GPC6: variants seen among roughly 807,000 people sequenced by gnomAD.
The protein encoded by GPC6 is glypican-6.
A neutral mutation model predicts 55.2 loss-of-function variants in GPC6; 14 were observed. The ratio of observed to expected loss-of-function variants is 0.25; its 90% CI spans 0.17 to 0.40. GPC6 has a LOEUF of 0.40. Ranked by LOEUF, GPC6 falls within the 10% of genes least tolerant of loss-of-function variation. The probability of loss-of-function intolerance (pLI) is 1.00; values close to 1 mark genes in which losing one functional copy is unlikely to be tolerated. For missense variants in GPC6, 641 were observed against 708.5 expected (o/e 0.90, Z 1.08); for synonymous variants, 278 against 259.6 (o/e 1.07, Z -0.68).
intron 2 of GPC6, among the ~76,000 whole-genome samples, chr13:93,768,947 A>T (rs1885207254): frequency 6.6e-6 from 1 of 152,136 alleles, no homozygotes; most frequent in Non-Finnish European, 1.5e-5. Context: ...CTACTTAACA[A>T]AAGTGGGATT....
intron 4 of GPC6, among the ~76,000 whole-genome samples, chr13:94,124,081 A>G (rs11839525): frequency 0.016 from 2,481 of 152,222 alleles, 61 homozygotes; most frequent in African/African-American, 0.056. Context: ...AGAAGAGTCT[A>G]CTACCTTTAA....
chr13:93,954,485 T>A (rs1879406018), intron 3 of GPC6, among the ~76,000 whole-genome samples: 1 of 152,144 alleles, frequency 6.6e-6, no homozygotes, highest in Non-Finnish European at 1.5e-5. Context: ...ACTAGCTATT[T>A]TTTGTAGAGA....
At chr13:93,510,961 A>ATATATATGTGTATATATATATGTG (rs1555306596) in intron 1 of GPC6, among the ~76,000 whole-genome samples, 2 of 96,636 alleles carry the variant, frequency 2.1e-5, no homozygotes, top group East Asian at 6.4e-4. Context: ...ATATATATAT[A>ATATATATGTGTATATATATATGTG]TATATATATG....
intron 3 of GPC6, among the ~76,000 whole-genome samples, chr13:94,003,786 A>G (rs1881906628): frequency 6.6e-6 from 1 of 152,070 alleles, no homozygotes; most frequent in Non-Finnish European, 1.5e-5. Context: ...AATTATAATT[A>G]CCCCTCAATG....
intron 2 of GPC6, among the ~76,000 whole-genome samples, chr13:93,632,634 T>TAG (rs1348602817): frequency 3.4e-5 from 5 of 147,122 alleles, no homozygotes; most frequent in African/African-American, 1.2e-4. Flanking sequence ...TATATATATA[T>TAG]ATAATAAAAT....
chr13:94,076,102 T>A (rs1466215108), intron 4 of GPC6, among the ~76,000 whole-genome samples: 1 of 151,682 alleles, frequency 6.6e-6, no homozygotes, highest in Non-Finnish European at 1.5e-5. Context: ...TTCCAGTTTC[T>A]CCACATCCTA....
At chr13:93,783,975 A>C (rs1275011000) in intron 2 of GPC6, among the ~76,000 whole-genome samples, 1 of 152,212 alleles carries the variant, frequency 6.6e-6, no homozygotes, top group African/African-American at 2.4e-5. Flanking sequence ...ACGTCATGTA[A>C]TATGTAGTTA....
intron 4 of GPC6, among the ~76,000 whole-genome samples, chr13:94,084,327 C>A (rs558286737): frequency 6.6e-6 from 1 of 152,234 alleles, no homozygotes; most frequent in East Asian, 1.9e-4. Flanking sequence ...ATGTGCTTCT[C>A]CCTTCTACAC....
intron 1 of GPC6, among the ~76,000 whole-genome samples, chr13:93,498,420 C>T (rs1880390823): frequency 2.0e-5 from 3 of 152,140 alleles, no homozygotes; most frequent in Non-Finnish European, 4.4e-5. Context: ...TTTAAAACAT[C>T]TTATTGTCTG....
At chr13:93,792,722 T>G (rs951547696) in intron 2 of GPC6, among the ~76,000 whole-genome samples, 3 of 152,180 alleles carry the variant, frequency 2.0e-5, no homozygotes, top group Non-Finnish European at 4.4e-5. Context: ...GGGAAGGGAG[T>G]ACTCAAGCTA....
intron 1 of GPC6, among the ~76,000 whole-genome samples, chr13:93,348,937 T>C (rs1440110339): frequency 2.6e-5 from 4 of 152,212 alleles, no homozygotes; most frequent in Non-Finnish European, 5.9e-5. Flanking sequence ...AGGTCACTAA[T>C]GTTACCATTT....
intron 3 of GPC6, among the ~76,000 whole-genome samples, chr13:93,844,385 C>T (rs546602571): frequency 6.6e-6 from 1 of 152,272 alleles, no homozygotes; most frequent in Non-Finnish European, 1.5e-5. Context: ...GGTCCGCCCA[C>T]CTCAGCCTCC....
intron 2 of GPC6, among the ~76,000 whole-genome samples, chr13:93,593,293 A>G (rs752829044): frequency 1.3e-5 from 2 of 152,136 alleles, no homozygotes; most frequent in Non-Finnish European, 2.9e-5. Context: ...TCTGAAACAA[A>G]TAAGTTTAAA....
chr13:93,531,607 A>G (rs184787125), intron 1 of GPC6, among the ~76,000 whole-genome samples: 4 of 152,292 alleles, frequency 2.6e-5, no homozygotes, highest in Admixed American at 6.5e-5. Flanking sequence ...GTTTGATTAC[A>G]TTACTGGGTG....
intron 2 of GPC6, among the ~76,000 whole-genome samples, chr13:93,827,604 C>A (rs983336481): frequency 6.6e-6 from 1 of 151,984 alleles, no homozygotes; most frequent in Non-Finnish European, 1.5e-5. Context: ...TGATTTTTAA[C>A]AAGAAATAAT....
intron 6 of GPC6, 112 bp downstream of exon 6, chr13:94,306,235 A>C (rs1424339531): frequency 3.0e-6 from 3 of 1,012,364 alleles, no homozygotes; most frequent in Non-Finnish European, 4.7e-6. Flanking sequence ...TCTCATGCTT[A>C]TATCTGCCTC....
chr13:93,652,767 A>G (rs1880470506), intron 2 of GPC6, among the ~76,000 whole-genome samples: 1 of 152,162 alleles, frequency 6.6e-6, no homozygotes, highest in South Asian at 2.1e-4. Context: ...CAATAAATAA[A>G]TGTTTAACAA....
chr13:93,977,511 TGTGTGTGG>T (rs755483453), intron 3 of GPC6, among the ~76,000 whole-genome samples: 13,893 of 133,100 alleles, frequency 0.1, 829 homozygotes, highest in East Asian at 0.19. Flanking sequence ...TGTGTGTGTG[TGTGTGTGG>T]TGTGTCTTTA....
intron 4 of GPC6, among the ~76,000 whole-genome samples, chr13:94,084,704 T>G (rs1316724876): frequency 6.6e-6 from 1 of 152,220 alleles, no homozygotes; most frequent in East Asian, 1.9e-4. Context: ...CTTAAGTTGA[T>G]AAAGTTTAAG....
Sources: allele counts gnomAD v4.1 joint callset (sites outside exome capture counted in the v4.1 genomes callset), GRCh38; gene constraint gnomAD v4.1.1; transcripts MANE v1.5; gene names NCBI Gene and HGNC (gene_info 2026-07-23, HGNC 2026-07-21).